FAT4: variants seen among roughly 807,000 people sequenced by gnomAD.
FAT4 encodes FAT atypical cadherin 4, also known as protocadherin Fat 4.
Under a neutral mutation model 303.9 loss-of-function variants are expected in FAT4, and 84 were observed. The ratio of observed to expected loss-of-function variants is 0.28; its 90% CI spans 0.23 to 0.33. FAT4 has a LOEUF of 0.33. Among genes scored for constraint, FAT4 ranks in the 10% least tolerant of loss-of-function variants. FAT4 has a pLI of 1.00. For missense variants in FAT4, 6,005 were observed against 6,146.8 expected, an observed-to-expected ratio of 0.98 and a Z score of 0.77; for synonymous variants, 2,307 against 2,298.8, an observed-to-expected ratio of 1.00 and a Z score of -0.10.
chr4:125,452,344 C>T lies in FAT4; in HGVS notation c.11334C>T (p.Pro3778=). The T allele has an allele frequency of 4.3e-6, 7 of 1,614,196 alleles. No homozygotes were observed. In the Middle Eastern group the frequency reaches 4.9e-4, roughly 114 times the overall value. The change falls in exon 10 of 18, where the codon CCC becomes CCT. Residue 3778 remains proline (P), a synonymous_variant. Transcript: ENST00000394329. ...VKRNHNQYVN[P]SGVATFFESI... is the part of the protein sequence containing the mutation. ...GAAATCATAATCAGTATGTGAATCC[C>T]AGTGGCGTAGCCACCTTCTTTGAAA... is the stretch of plus-strand genomic sequence containing the variant.
In FAT4 at chr4:125,401,041, G is replaced by A. The variant is rs1021801077; in HGVS notation, c.5307+2126G>A. Among the ~76,000 whole-genome samples the A allele has an allele frequency of 4.0e-5, 6 of 151,890 alleles. No individual in the cohort carries two copies. In the South Asian group the frequency reaches 6.2e-4, roughly 16 times the overall value. The stretch of plus-strand genomic sequence containing the variant: ...TGTAGAAAGGCAGAGAGGATGGAAG[G>A]GAGTAACTAGGTGCACCTACAACAT... On this transcript the variant is annotated intron_variant, in intron 3 of 17. Coordinates refer to ENST00000394329, the MANE Select transcript of FAT4 (RefSeq NM_001291303.3).
At chr4:125,331,190 T>G (rs754466139) in intron 2 of FAT4, among the ~76,000 whole-genome samples, 1 of 152,214 alleles carries the variant, frequency 6.6e-6, no homozygotes, top group Non-Finnish European at 1.5e-5. Context: ...TTAGAATATA[T>G]GTTTCATGAG....
intron 17 of FAT4, 40 bp downstream of exon 17, chr4:125,487,646 A>G: frequency 2.6e-6 from 4 of 1,524,246 alleles, no homozygotes; most frequent in Non-Finnish European, 3.5e-6. Flanking sequence ...GGGAAGTAAA[A>G]TTGTTCTTCA....
At chr4:125,411,700 C>T (rs1318767791) in intron 5 of FAT4, among the ~76,000 whole-genome samples, 2 of 148,598 alleles carry the variant, frequency 1.3e-5, no homozygotes, top group Non-Finnish European at 3.0e-5. Context: ...AAACTATACA[C>T]CTATACTTTT....
At chr4:125,364,176 A>C (rs1732775701) in intron 2 of FAT4, among the ~76,000 whole-genome samples, 1 of 149,360 alleles carries the variant, frequency 6.7e-6, no homozygotes, top group South Asian at 2.1e-4. Flanking sequence ...GTGTGCCCTC[A>C]CTCTAGCTTC....
intron 7 of FAT4, among the ~76,000 whole-genome samples, chr4:125,426,294 A>C (rs1266035961): frequency 1.3e-5 from 2 of 152,120 alleles, no homozygotes; most frequent in African/African-American, 2.4e-5. Context: ...AACATTTTTA[A>C]TAATGAAAAT....
intron 2 of FAT4, among the ~76,000 whole-genome samples, chr4:125,391,713 T>G (rs955810246): frequency 3.3e-5 from 5 of 152,184 alleles, no homozygotes; most frequent in African/African-American, 9.7e-5. Flanking sequence ...TGAATTATCA[T>G]AAAATATCAT....
At chr4:125,354,752 G>GGAA (rs564201158) in intron 2 of FAT4, among the ~76,000 whole-genome samples, 14 of 135,246 alleles carry the variant, frequency 1.0e-4, no homozygotes, top group African/African-American at 3.7e-4. Flanking sequence ...AGAGTTTAAT[G>GGAA]AAAAAAAAAA....
At chr4:125,361,943 T>G (rs925353367) in intron 2 of FAT4, among the ~76,000 whole-genome samples, 10 of 152,134 alleles carry the variant, frequency 6.6e-5, no homozygotes, top group Admixed American at 4.6e-4. Flanking sequence ...CAACTGCTTG[T>G]GTAGAATGTT....
intron 2 of FAT4, among the ~76,000 whole-genome samples, chr4:125,395,807 T>C (rs1392376720): frequency 1.3e-5 from 2 of 152,112 alleles, no homozygotes; most frequent in African/African-American, 2.4e-5. Flanking sequence ...AAAGGTGTCG[T>C]TTTGAACTCA....
intron 7 of FAT4, among the ~76,000 whole-genome samples, chr4:125,420,775 C>A (rs1735260395): frequency 6.6e-6 from 1 of 152,172 alleles, no homozygotes; most frequent in Non-Finnish European, 1.5e-5. Context: ...TTCCCCTGAA[C>A]CTTCTGGCTC....
At chr4:125,402,349 C>CT (rs1340599018) in intron 3 of FAT4, among the ~76,000 whole-genome samples, 1 of 151,940 alleles carries the variant, frequency 6.6e-6, no homozygotes, top group Non-Finnish European at 1.5e-5. Flanking sequence ...ACCTCACCCA[C>CT]TTTACTAAAA....
chr4:125,446,943 T>C (rs1488362695), intron 9 of FAT4, among the ~76,000 whole-genome samples: 1 of 152,064 alleles, frequency 6.6e-6, no homozygotes, highest in Admixed American at 6.6e-5. Flanking sequence ...ATATGGGAGA[T>C]AATAGGCATT....
chr4:125,433,657 ATTCTG>A (rs1725353110), intron 7 of FAT4, among the ~76,000 whole-genome samples: 1 of 152,232 alleles, frequency 6.6e-6, no homozygotes, highest in Non-Finnish European at 1.5e-5. Context: ...AGCACACATG[ATTCTG>A]AGTTAGCTCA....
intron 2 of FAT4, among the ~76,000 whole-genome samples, chr4:125,386,612 A>G (rs1344912337): frequency 6.6e-6 from 1 of 152,168 alleles, no homozygotes; most frequent in Non-Finnish European, 1.5e-5. Flanking sequence ...ATTAAAGAAC[A>G]ATGCATTTCC....
At chr4:125,373,322 A>G (rs576229489) in intron 2 of FAT4, among the ~76,000 whole-genome samples, 1 of 152,208 alleles carries the variant, frequency 6.6e-6, no homozygotes, top group Non-Finnish European at 1.5e-5. Context: ...ATTCTTTCCT[A>G]TACTTTCCTT....
At chr4:125,470,152 C>T (rs559613445) in intron 12 of FAT4, among the ~76,000 whole-genome samples, 12 of 152,068 alleles carry the variant, frequency 7.9e-5, no homozygotes, top group Non-Finnish European at 1.5e-4. Context: ...TCTTTTTTTC[C>T]GAGTAGTAGA....
intron 8 of FAT4, 156 bp from the exon 9 acceptor site, chr4:125,446,137 T>A: frequency 1.7e-6 from 1 of 603,734 alleles, no homozygotes; most frequent in East Asian, 2.9e-5. Flanking sequence ...ATTTGAAATA[T>A]TTATTAGCTA....
intron 2 of FAT4, among the ~76,000 whole-genome samples, chr4:125,390,329 T>C (rs1733933286): frequency 6.6e-6 from 1 of 152,184 alleles, no homozygotes; most frequent in Non-Finnish European, 1.5e-5. Context: ...TCTCACTGCA[T>C]TGTGGGCAAA....
Sources: allele counts gnomAD v4.1 joint callset (sites outside exome capture counted in the v4.1 genomes callset), GRCh38; gene constraint gnomAD v4.1.1; transcripts MANE v1.5; gene names NCBI Gene and HGNC (gene_info 2026-07-23, HGNC 2026-07-21).